Variants in TC2N observed in about 807,000 individuals in gnomAD.
TC2N encodes the protein tandem C2 domains nuclear protein.
In TC2N, 51 loss-of-function variants were observed where a neutral mutation model predicts 61.9. The ratio of observed to expected loss-of-function variants is 0.82; its 90% CI spans 0.66 to 1.04. The LOEUF is 1.04. TC2N is among the 50% of genes least tolerant of loss of function. TC2N has a pLI of 0.00. For synonymous variants in TC2N, 204 were observed against 192.6 expected (o/e 1.06, Z -0.49); for missense variants, 556 against 566.7 (o/e 0.98, Z 0.19).
intron 3 of TC2N, among the ~76,000 whole-genome samples, chr14:91,810,934 C>T (rs1349682893): frequency 6.6e-6 from 1 of 150,966 alleles, no homozygotes; most frequent in African/African-American, 2.4e-5. Flanking sequence ...TAATCGGAAT[C>T]CCAGAAGCAG....
At chr14:91,792,041 C>A (rs1429546103) in intron 9 of TC2N, among the ~76,000 whole-genome samples, 2 of 151,868 alleles carry the variant, frequency 1.3e-5, no homozygotes, top group Non-Finnish European at 2.9e-5. Flanking sequence ...ATGGCGTGAA[C>A]CCAGGAGGCG....
intron 1 of TC2N, among the ~76,000 whole-genome samples, chr14:91,846,904 C>T (rs1402880879): frequency 6.6e-6 from 1 of 152,018 alleles, no homozygotes; most frequent in Non-Finnish European, 1.5e-5. Flanking sequence ...AACAGAAAAC[C>T]CATGAAAAAG....
intron 9 of TC2N, among the ~76,000 whole-genome samples, chr14:91,791,906 G>C (rs1368925413): frequency 6.6e-6 from 1 of 152,122 alleles, no homozygotes; most frequent in Non-Finnish European, 1.5e-5. Context: ...CACGAGGTCA[G>C]GAGATCGAGA....
chr14:91,797,737 A>T (rs200140556), intron 8 of TC2N, 48 bp downstream of exon 8: 1 of 189,180 alleles, frequency 5.3e-6, no homozygotes, highest in African/African-American at 8.8e-5. Flanking sequence ...TGACAAATAT[A>T]AAAAAAAAAA....
chr14:91,800,339 G>C lies in TC2N; in HGVS notation c.503C>G (p.Ser168Cys). 6.2e-7 allele frequency: 1 copy of C among 1,603,940 alleles called. No homozygotes were observed. Among genetic ancestry groups the C allele is most frequent in the African/African-American group, 1.3e-5 (1 of 74,518 alleles). Residue 168 changes from serine (S) to cysteine (C), a missense_variant, in exon 5 of 12, where the codon TCC (serine) becomes TGC (cysteine). Coordinates refer to ENST00000435962, the MANE Select transcript of TC2N (RefSeq NM_001128596.3). ...AAACATAGATTTGCTTAGCCCAGGGGAACCGGGAAGTTTGTTCGTCCTTAA... is the reference window on the plus strand; with the variant it reads ...AAACATAGATTTGCTTAGCCCAGGGCAACCGGGAAGTTTGTTCGTCCTTAA... ...CDLRTNKLPG[S>C]PGLSKSMFDL...
Position 91,798,625 on chromosome 14 carries a change from T to C in TC2N, c.638-226A>G, listed in dbSNP as rs894136148. ...TCATGGTTTTAAAAACTTAACCTAA[T>C]TGCAGTGAGGGATTTAAATTAAAAC... On this transcript the variant is annotated intron_variant, in intron 6 of 11. Transcript: ENST00000435962. Among the ~76,000 whole-genome samples the C allele has an allele frequency of 3.3e-5, 5 of 152,122 alleles. No individual in the cohort carries two copies. In the East Asian group the frequency reaches 9.6e-4, roughly 29 times the overall value.
intron 6 of TC2N, among the ~76,000 whole-genome samples, chr14:91,798,783 T>C (rs1490060970): frequency 6.6e-6 from 1 of 151,986 alleles, no homozygotes; most frequent in Admixed American, 6.6e-5. Flanking sequence ...GCCACACTTG[T>C]ACCTGAACAC....
chr14:91,795,462 A>G (rs949954723), intron 8 of TC2N, among the ~76,000 whole-genome samples: 2 of 152,150 alleles, frequency 1.3e-5, no homozygotes, highest in African/African-American at 4.8e-5. Flanking sequence ...AGCCACTTCA[A>G]CCTTCACTAA....
chr14:91,866,167 T>A (rs543876207), intron 1 of TC2N: 1 of 152,162 alleles, frequency 6.6e-6, no homozygotes, highest in Non-Finnish European at 1.5e-5. Context: ...GGTGACCCCG[T>A]TGGCTCAGAA....
At chr14:91,817,441 C>G (rs1308439809) in intron 1 of TC2N, among the ~76,000 whole-genome samples, 3 of 151,726 alleles carry the variant, frequency 2.0e-5, no homozygotes, top group African/African-American at 7.3e-5. Context: ...AAAAGTTTAA[C>G]ATTTTTCTTA....
At chr14:91,816,724 T>C (rs1200398040) in intron 1 of TC2N, among the ~76,000 whole-genome samples, 1 of 151,910 alleles carries the variant, frequency 6.6e-6, no homozygotes, top group Non-Finnish European at 1.5e-5. Context: ...ATTCAAACTT[T>C]CCTCTTCCCA....
At chr14:91,815,324 A>G (rs1343973106) in intron 1 of TC2N, among the ~76,000 whole-genome samples, 1 of 151,604 alleles carries the variant, frequency 6.6e-6, no homozygotes, top group Non-Finnish European at 1.5e-5. Flanking sequence ...TATAATGGGC[A>G]CCAATAAACA....
At chr14:91,802,475 C>T in intron 3 of TC2N, 54 bp from the exon 4 acceptor site, 2 of 1,554,932 alleles carry the variant, frequency 1.3e-6, no homozygotes, top group Non-Finnish European at 1.8e-6. Flanking sequence ...GAGTTATTAG[C>T]CAACAGCTGG....
At chr14:91,815,018 G>A (rs900869424) in intron 1 of TC2N, among the ~76,000 whole-genome samples, 1 of 151,490 alleles carries the variant, frequency 6.6e-6, no homozygotes, top group Non-Finnish European at 1.5e-5. Flanking sequence ...GTAAAGAGTG[G>A]TAAAGGAGAC....
chr14:91,794,412 C>T (rs145636164), intron 8 of TC2N, among the ~76,000 whole-genome samples: 1 of 152,286 alleles, frequency 6.6e-6, no homozygotes, highest in Non-Finnish European at 1.5e-5. Flanking sequence ...GAGGAGAAGT[C>T]AATGCCTGAC....
rs550763991 is a variant in TC2N, at chr14:91,788,728, AACC to A, written c.1048-1104_1048-1102del. 5.4e-3 allele frequency among the ~76,000 whole-genome samples: 825 copies of A among 152,334 alleles called. 5 individuals are homozygous for A. Among genetic ancestry groups the A allele is most frequent in the Middle Eastern group, 0.014 (4 of 294 alleles). On this transcript the variant is annotated intron_variant, in intron 9 of 11. Coordinates refer to ENST00000435962, the MANE Select transcript of TC2N (RefSeq NM_001128596.3). ...TCTTAAAATATGATTCTGTATTTCA[AACC>A]AGTCATGCCATAAGAAATGAAGAGA...
chr14:91,810,398 G>A (rs773580998), intron 3 of TC2N, among the ~76,000 whole-genome samples: 1 of 152,096 alleles, frequency 6.6e-6, no homozygotes, highest in African/African-American at 2.4e-5. Flanking sequence ...AGAGAAGTAG[G>A]AAGGGAGGAT....
Position 91,787,615 on chromosome 14 carries a change from C to G in TC2N, c.1060G>C (p.Glu354Gln), listed in dbSNP as rs1458819180. 1.2e-6 allele frequency: 2 copies of G among 1,605,610 alleles called. No homozygotes were observed. Among genetic ancestry groups the G allele is most frequent in the Non-Finnish European group, 8.5e-7 (1 of 1,175,750 alleles). ...PPSKISVCHAELELGTCFQAV... is the reference protein window; with the variant it reads ...PPSKISVCHAQLELGTCFQAV... ...TGAAAACAAGTCCCCAATTCAAGTT[C>G]TGCATGGCAAACCTGCATATCAAAA... is the stretch of plus-strand genomic sequence containing the variant. Residue 354 changes from glutamate (E) to glutamine (Q), a missense_variant, in exon 10 of 12, where the codon GAA becomes CAA. By Grantham distance (29) the Glu-to-Gln change is conservative (BLOSUM62 2). Coordinates refer to ENST00000435962, the MANE Select transcript of TC2N (RefSeq NM_001128596.3).
intron 8 of TC2N, 31 bp from the exon 9 acceptor site, chr14:91,792,589 T>C (rs573488654): frequency 1.7e-6 from 2 of 1,197,426 alleles, no homozygotes; most frequent in African/African-American, 3.1e-5. Flanking sequence ...ACATAAAATA[T>C]ATAAATAAAA....
Sources: gnomAD v4.1 joint callset for allele counts (sites outside exome capture counted in the v4.1 genomes callset) on GRCh38, gnomAD v4.1.1 for gene constraint, MANE v1.5 for transcripts, NCBI Gene and HGNC (gene_info 2026-07-23, HGNC 2026-07-21) for gene names.